RBM39: variants seen among roughly 807,000 people sequenced by gnomAD.
The protein encoded by RBM39 is RNA-binding protein 39.
A neutral mutation model predicts 79.6 loss-of-function variants in RBM39; 12 were observed. The ratio of observed to expected loss-of-function variants is 0.15; its 90% confidence interval spans 0.10 to 0.24. The LOEUF is 0.24. Ranked by LOEUF, RBM39 falls within the 10% of genes least tolerant of loss-of-function variation. The pLI is 1.00. For synonymous variants in RBM39, 185 were observed against 208.4 expected, an observed-to-expected ratio of 0.89 and a Z score of 0.97; for missense variants, 243 against 653.4, an observed-to-expected ratio of 0.37 and a Z score of 6.85.
intron 3 of RBM39, among the ~76,000 whole-genome samples, chr20:35,738,728 C>T (rs1263372250): frequency 6.6e-6 from 1 of 152,138 alleles, no homozygotes; most frequent in Non-Finnish European, 1.5e-5. Context: ...GAACTTGTCA[C>T]CAGATTGTCA....
intron 2 of RBM39, 75 bp downstream of exon 2, chr20:35,740,749 T>G (rs2040413692): frequency 6.8e-7 from 1 of 1,478,162 alleles, no homozygotes; most frequent in Non-Finnish European, 9.4e-7. Context: ...GAGGTTAGTT[T>G]ACATTTCAGC....
intron 6 of RBM39, among the ~76,000 whole-genome samples, chr20:35,728,366 A>G (rs1338720432): frequency 6.6e-6 from 1 of 152,280 alleles, no homozygotes; most frequent in East Asian, 1.9e-4. Context: ...TGATCATTAC[A>G]CTGTATACAT....
intron 3 of RBM39, among the ~76,000 whole-genome samples, chr20:35,735,687 CAT>C (rs1251720308): frequency 1.3e-5 from 2 of 152,088 alleles, no homozygotes; most frequent in Admixed American, 6.6e-5. Flanking sequence ...TAATTTGAAA[CAT>C]AAAGTTCCTT....
At chr20:35,707,631 A>G in intron 13 of RBM39, 1 of 187,122 alleles carries the variant, frequency 5.3e-6, no homozygotes, top group Non-Finnish European at 1.1e-5. Context: ...CTGCCCACGA[A>G]GTTTTTTAAA....
chr20:35,703,342 AT>A lies in RBM39; in HGVS notation c.*1138del, dbSNP rs2035381402. ...ATTTCTTCATAAATATGCCCAGACAATGCAGGAGACCAAGAATGCCCAGGTT... is the reference window on the plus strand; with the variant it reads ...ATTTCTTCATAAATATGCCCAGACAAGCAGGAGACCAAGAATGCCCAGGTT... On this transcript the variant is annotated 3_prime_UTR_variant, in exon 17 of 17. Transcript: ENST00000253363. 6.6e-6 allele frequency: 1 copy of A among 152,200 alleles called. No individual in the cohort carries two copies. Among genetic ancestry groups the A allele is most frequent in the Non-Finnish European group, 1.5e-5 (1 of 68,044 alleles). 9.4% of individuals were successfully genotyped at this position (152,200 alleles called of 1,614,324 possible). A position where few individuals can be genotyped will look rare whatever the true frequency, so the allele number is the denominator to read the frequency against.
At chr20:35,740,953 CTT>C in intron 1 of RBM39, 66 bp from the exon 2 acceptor site, 2 of 1,125,778 alleles carry the variant, frequency 1.8e-6, no homozygotes, top group Non-Finnish European at 1.3e-6. Flanking sequence ...AAGTTTCACT[CTT>C]GTTGCCTATA....
intron 8 of RBM39, 62 bp downstream of exon 8, chr20:35,724,508 C>A (rs1006661697): frequency 5.2e-6 from 8 of 1,546,012 alleles, no homozygotes; most frequent in South Asian, 1.2e-5. Flanking sequence ...CAGCACTATA[C>A]CATGCAACAG....
At chr20:35,737,693 C>CA (rs1358571381) in intron 3 of RBM39, among the ~76,000 whole-genome samples, 2 of 130,152 alleles carry the variant, frequency 1.5e-5, no homozygotes, top group African/African-American at 5.9e-5. Flanking sequence ...ACTAAAATTA[C>CA]AAAAAATTAG....
At chr20:35,736,546 T>G in intron 3 of RBM39, 1 of 470,630 alleles carries the variant, frequency 2.1e-6, no homozygotes, top group South Asian at 1.5e-5. Flanking sequence ...ACTGACATAC[T>G]TACTATGAAG....
intron 6 of RBM39, among the ~76,000 whole-genome samples, chr20:35,726,945 T>C (rs1395152308): frequency 6.6e-6 from 1 of 152,100 alleles, no homozygotes; most frequent in Non-Finnish European, 1.5e-5. Context: ...CCTGCCTCTC[T>C]TCCCGAGTAA....
intron 3 of RBM39, chr20:35,734,729 C>A: frequency 9.2e-7 from 1 of 1,082,996 alleles, no homozygotes; most frequent in Non-Finnish European, 1.2e-6. Flanking sequence ...GGTAAAAAGA[C>A]AGCAACATAC....
At chr20:35,722,406 CAAAAAAAATAAAAATAAA>C (rs1373416269) in intron 8 of RBM39, among the ~76,000 whole-genome samples, 64 of 95,360 alleles carry the variant, frequency 6.7e-4, no homozygotes, top group Middle Eastern at 7.8e-3. Flanking sequence ...GACTCAGTCT[CAAAAAAAATAAAAATAAA>C]AAAAAAAATA....
intron 3 of RBM39, among the ~76,000 whole-genome samples, chr20:35,738,069 T>A (rs1044281305): frequency 6.6e-6 from 1 of 150,780 alleles, no homozygotes; most frequent in African/African-American, 2.5e-5. Context: ...GGCAGGGGAA[T>A]CACTTGAATC....
intron 2 of RBM39, 114 bp from the exon 3 acceptor site, chr20:35,739,131 T>G (rs1480763542): frequency 1.1e-6 from 1 of 897,548 alleles, no homozygotes; most frequent in Non-Finnish European, 1.8e-6. Context: ...AACTAATTAT[T>G]TACTTATAGT....
At chr20:35,733,289 G>A (rs2039561740) in intron 3 of RBM39, among the ~76,000 whole-genome samples, 1 of 114,338 alleles carries the variant, frequency 8.7e-6, no homozygotes, top group Non-Finnish European at 1.8e-5. Context: ...GGCAAAAAGA[G>A]CAAAACACCA....
chr20:35,742,005 CTG>C lies in RBM39; in HGVS notation c.-80_-79del. On this transcript the variant is annotated 5_prime_UTR_variant, in exon 1 of 17. Coordinates refer to ENST00000253363, the MANE Select transcript of RBM39 (RefSeq NM_184234.3). ...GAAGAGATTGCTGCTGCTGCTGCTG[CTG>C]CTGCCGCCGCCGCCGCTTCTGTTGC... The C allele has an allele frequency of 3.1e-5, 8 of 257,320 alleles. No homozygotes were observed. The highest frequency in any genetic ancestry group is 1.1e-4 in the South Asian group (3 of 26,480). The allele number at this position is 257,320 out of a possible 1,614,324, so 15.9% of individuals were successfully genotyped here. A position where few individuals can be genotyped will look rare whatever the true frequency, so the allele number is the denominator to read the frequency against.
intron 2 of RBM39, 39 bp from the exon 3 acceptor site, chr20:35,739,056 T>G (rs757222367): frequency 6.5e-7 from 1 of 1,532,192 alleles, no homozygotes; most frequent in Non-Finnish European, 9.0e-7. Context: ...GAGGACGAAG[T>G]GGTAACATTT....
intron 12 of RBM39, chr20:35,710,521 A>T (rs2036272431): frequency 6.6e-6 from 1 of 152,224 alleles, no homozygotes; most frequent in African/African-American, 2.4e-5. Flanking sequence ...TTTGTGACAA[A>T]GTGAAAAATA....
chr20:35,712,743 TATTCAATAAAACTG>T (rs1221051728), intron 12 of RBM39, among the ~76,000 whole-genome samples: 2 of 152,192 alleles, frequency 1.3e-5, no homozygotes, highest in Non-Finnish European at 2.9e-5. Flanking sequence ...CACCTTGTAG[TATTCAATAAAACTG>T]ATATATTTGA....
Sources: gnomAD v4.1 joint callset for allele counts (sites outside exome capture counted in the v4.1 genomes callset) on GRCh38, gnomAD v4.1.1 for gene constraint, MANE v1.5 for transcripts, NCBI Gene and HGNC (gene_info 2026-07-23, HGNC 2026-07-21) for gene names.